The following CCDC192 variants were observed in gnomAD, a reference collection of about 807,000 sequenced individuals.
CCDC192 encodes the protein coiled-coil domain containing 192.
intron 2 of CCDC192, chr5:127,739,780 T>C: frequency 2.0e-5 from 3 of 153,288 alleles, no homozygotes; most frequent in Non-Finnish European, 2.9e-5. Flanking sequence ...TGCCTCGCCC[T>C]GCTTCGGCTC....
At chr5:127,805,330 G>C (rs1171598067) in intron 5 of CCDC192, among the ~76,000 whole-genome samples, 1 of 152,140 alleles carries the variant, frequency 6.6e-6, no homozygotes, top group Non-Finnish European at 1.5e-5. Context: ...AAAAATCCCT[G>C]CTCACAGCAA....
chr5:127,798,774 T>G (rs1038371111), intron 5 of CCDC192, among the ~76,000 whole-genome samples: 1 of 151,324 alleles, frequency 6.6e-6, no homozygotes, highest in Non-Finnish European at 1.5e-5. Context: ...TAATATTGAT[T>G]TTAGGCAAGT....
chr5:127,749,280 A>G (rs952442742), intron 2 of CCDC192, among the ~76,000 whole-genome samples: 2 of 152,172 alleles, frequency 1.3e-5, no homozygotes, highest in Admixed American at 6.5e-5. Flanking sequence ...ATTTTGAAAT[A>G]TGTCCCATCA....
intron 5 of CCDC192, among the ~76,000 whole-genome samples, chr5:127,825,271 G>T (rs1181642050): frequency 6.6e-6 from 1 of 152,186 alleles, no homozygotes; most frequent in East Asian, 1.9e-4. Context: ...CTAACAAGTT[G>T]TATTAGTGGT....
chr5:127,866,149 G>A lies in CCDC192; in HGVS notation c.412-9389G>A, dbSNP rs186785180. On this transcript the variant is annotated intron_variant, in intron 5 of 6. Coordinates refer to ENST00000514853, the MANE Select transcript of CCDC192 (RefSeq NM_001317938.2). ...CAGTTCTGCAGCTCAGCAATGCTAC[G>A]TGGTTATGAGTACCCCAAGGAAAAA... Among the ~76,000 whole-genome samples, 102 of 152,106 alleles carry A rather than the reference G, an allele frequency of 6.7e-4. 1 individual carries two copies. Among genetic ancestry groups the A allele is most frequent in the South Asian group, 3.5e-3 (17 of 4,818 alleles).
intron 5 of CCDC192, among the ~76,000 whole-genome samples, chr5:127,810,060 A>G (rs997174691): frequency 3.3e-5 from 5 of 152,238 alleles, no homozygotes; most frequent in African/African-American, 9.6e-5. Flanking sequence ...AAGGCCAGGA[A>G]TAAGTGAAGG....
chr5:127,778,204 C>T (rs1345313856), intron 3 of CCDC192, among the ~76,000 whole-genome samples: 4 of 152,168 alleles, frequency 2.6e-5, no homozygotes, highest in Non-Finnish European at 1.5e-5. Context: ...CCTGATCTTA[C>T]CAGAAAAGCT....
intron 6 of CCDC192, among the ~76,000 whole-genome samples, chr5:127,893,467 C>T (rs1197050407): frequency 6.6e-6 from 1 of 152,194 alleles, no homozygotes; most frequent in Non-Finnish European, 1.5e-5. Context: ...ACACCCACTG[C>T]AGTCCAAGTG....
Position 127,840,972 on chromosome 5 carries a change from A to C in CCDC192, c.412-34566A>C, listed in dbSNP as rs552688780. Among the ~76,000 whole-genome samples, 3 of 152,376 alleles carry C rather than the reference A, an allele frequency of 2.0e-5. No homozygotes were observed. In the South Asian group the frequency reaches 6.2e-4, roughly 32 times the overall value. On this transcript the variant is annotated intron_variant, in intron 5 of 6. Transcript: ENST00000514853. Reference sequence around the variant, plus strand: ...CAAGTGGGAGAAATCTGGCAAAACAAGTCAACCAGAACCCTGACCTTTGAG... The same window carrying C: ...CAAGTGGGAGAAATCTGGCAAAACACGTCAACCAGAACCCTGACCTTTGAG...
At chr5:127,850,792 C>G (rs1031878636) in intron 5 of CCDC192, among the ~76,000 whole-genome samples, 5 of 152,094 alleles carry the variant, frequency 3.3e-5, no homozygotes, top group African/African-American at 1.2e-4. Context: ...ATGGTGAAAC[C>G]CTATATCTAC....
At chr5:127,937,849 G>A (rs1490018352) in intron 6 of CCDC192, among the ~76,000 whole-genome samples, 2 of 152,210 alleles carry the variant, frequency 1.3e-5, no homozygotes, top group African/African-American at 2.4e-5. Context: ...TTTGACCAGG[G>A]GTGACACTAA....
At chr5:127,774,772 C>T (rs1755764406) in intron 3 of CCDC192, among the ~76,000 whole-genome samples, 1 of 151,948 alleles carries the variant, frequency 6.6e-6, no homozygotes, top group African/African-American at 2.4e-5. Context: ...AGGACTGACT[C>T]TCTTATTCTG....
intron 2 of CCDC192, among the ~76,000 whole-genome samples, chr5:127,747,890 C>T (rs1212800243): frequency 9.4e-5 from 14 of 149,084 alleles, no homozygotes; most frequent in South Asian, 6.5e-4. Flanking sequence ...TGTTTTTTGG[C>T]TGCATAAATG....
intron 3 of CCDC192, among the ~76,000 whole-genome samples, chr5:127,766,634 A>T (rs1352328588): frequency 1.5e-5 from 2 of 132,032 alleles, no homozygotes; most frequent in African/African-American, 5.7e-5. Flanking sequence ...AAAAAAAAAA[A>T]GTACGAACTC....
At chr5:127,740,807 G>C (rs1286596862) in intron 2 of CCDC192, among the ~76,000 whole-genome samples, 2 of 152,090 alleles carry the variant, frequency 1.3e-5, no homozygotes, top group Non-Finnish European at 2.9e-5. Context: ...TTACTCATGA[G>C]CTGACTTGAA....
At chr5:127,821,474 A>G (rs1488034168) in intron 5 of CCDC192, among the ~76,000 whole-genome samples, 2 of 152,208 alleles carry the variant, frequency 1.3e-5, no homozygotes, top group African/African-American at 2.4e-5. Context: ...GGAGAATTCA[A>G]CTTTCTAAGG....
At chr5:127,841,108 A>G (rs1422511656) in intron 5 of CCDC192, among the ~76,000 whole-genome samples, 1 of 152,238 alleles carries the variant, frequency 6.6e-6, no homozygotes, top group Non-Finnish European at 1.5e-5. Flanking sequence ...CATGTCAAAC[A>G]AAGAGGAAAA....
At chr5:127,930,003 A>C (rs773416603) in intron 6 of CCDC192, among the ~76,000 whole-genome samples, 1 of 152,230 alleles carries the variant, frequency 6.6e-6, no homozygotes, top group Non-Finnish European at 1.5e-5. Flanking sequence ...TAGGAGTTCA[A>C]GACCAGCCTG....
intron 3 of CCDC192, among the ~76,000 whole-genome samples, chr5:127,757,767 T>TACACAC (rs60177261): frequency 6.6e-4 from 86 of 129,716 alleles, no homozygotes; most frequent in East Asian, 6.5e-3. Context: ...AGACAAGGAT[T>TACACAC]ACACACACAC....
Sources: gnomAD v4.1 joint callset for allele counts (sites outside exome capture counted in the v4.1 genomes callset) on GRCh38, gnomAD v4.1.1 for gene constraint, MANE v1.5 for transcripts, NCBI Gene and HGNC (gene_info 2026-07-23, HGNC 2026-07-21) for gene names.